Variants in KLHL13 observed in about 807,000 individuals in gnomAD.
KLHL13 encodes kelch like family member 13.
In KLHL13, 10 loss-of-function variants were observed where a neutral mutation model predicts 37.1. The observed-to-expected ratio is 0.27, with a 90% CI of 0.17 to 0.46. KLHL13 has a LOEUF of 0.46. Ranked by LOEUF, KLHL13 falls within the 20% of genes least tolerant of loss-of-function variation. The pLI is 1.00. For synonymous variants in KLHL13, 163 were observed against 181.2 expected, an observed-to-expected ratio of 0.90 and a Z score of 0.81; for missense variants, 360 against 509.3, an observed-to-expected ratio of 0.71 and a Z score of 2.82.
upstream of KLHL13, among the ~76,000 whole-genome samples, chrX:117,978,689 A>G (rs2053622527): frequency 9.0e-6 from 1 of 110,651 alleles, no homozygotes; most frequent in Admixed American, 9.7e-5. Context: ...TTACTCCTTC[A>G]CTAAGGCTGT....
exon 1 of KLHL13, chrX:117,973,212 C>T: frequency 1.1e-6 from 1 of 942,528 alleles, no homozygotes; most frequent in Non-Finnish European, 1.3e-6. Flanking sequence ...GATACTGCAG[C>T]ACTGTACTAT....
chrX:117,905,676 T>A (rs1930469079), intron 5 of KLHL13, among the ~76,000 whole-genome samples: 1 of 111,619 alleles, frequency 9.0e-6, no homozygotes, highest in Non-Finnish European at 1.9e-5. Context: ...TTTTAATTTT[T>A]GTGGGTACAT....
intron 1 of KLHL13, among the ~76,000 whole-genome samples, chrX:118,004,042 T>A (rs763454196): frequency 9.0e-6 from 1 of 110,616 alleles, no homozygotes; most frequent in Non-Finnish European, 1.9e-5. Flanking sequence ...GAAGTCAGAG[T>A]CGGGGAGGCA....
chrX:118,037,187 G>C (rs1417965595), intron 1 of KLHL13, among the ~76,000 whole-genome samples: 6 of 88,751 alleles, frequency 6.8e-5, no homozygotes, highest in South Asian at 6.4e-4. Flanking sequence ...TCAGTGTGGC[G>C]ATTCCTCAGG....
intron 1 of KLHL13, among the ~76,000 whole-genome samples, chrX:118,007,800 T>C (rs893739034): frequency 2.7e-5 from 3 of 111,692 alleles, no homozygotes; most frequent in African/African-American, 9.8e-5. Flanking sequence ...TAGAAGAGAA[T>C]CATAGTATGC....
At chrX:117,998,393 A>G (rs1363182906) in intron 1 of KLHL13, among the ~76,000 whole-genome samples, 3 of 111,715 alleles carry the variant, frequency 2.7e-5, no homozygotes, top group Admixed American at 1.9e-4. Context: ...AGAGTTGTAC[A>G]TAAGAAATTA....
chrX:117,975,177 T>TACACATACACACAC (rs1556327645), upstream of KLHL13, among the ~76,000 whole-genome samples: 3 of 103,276 alleles, frequency 2.9e-5, no homozygotes, highest in African/African-American at 1.1e-4. Flanking sequence ...GAGAAATACA[T>TACACATACACACAC]ACACACACAC....
chrX:118,110,738 G>A (rs1229506447), intron 1 of KLHL13, among the ~76,000 whole-genome samples: 2 of 111,275 alleles, frequency 1.8e-5, no homozygotes, highest in Non-Finnish European at 3.8e-5. Flanking sequence ...TTCAACAACT[G>A]CAAAAAAATA....
chrX:118,108,191 C>T (rs898881919), intron 1 of KLHL13, among the ~76,000 whole-genome samples: 7 of 112,225 alleles, frequency 6.2e-5, no homozygotes, highest in African/African-American at 2.3e-4. Context: ...ACTCTTATCT[C>T]CTTTTACTGA....
At chrX:118,107,700 C>T (rs2148186926) in intron 1 of KLHL13, among the ~76,000 whole-genome samples, 1 of 111,312 alleles carries the variant, frequency 9.0e-6, no homozygotes, top group Non-Finnish European at 1.9e-5. Flanking sequence ...GGATTTGAAC[C>T]CAAGCCTATG....
intron 5 of KLHL13, among the ~76,000 whole-genome samples, chrX:117,905,307 G>A (rs1272503908): frequency 8.9e-6 from 1 of 111,858 alleles, no homozygotes; most frequent in Non-Finnish European, 1.9e-5. Flanking sequence ...CTTCAATATA[G>A]GAAGCCTCAA....
chrX:118,085,194 C>T (rs779664606), intron 1 of KLHL13, among the ~76,000 whole-genome samples: 3 of 110,923 alleles, frequency 2.7e-5, no homozygotes, highest in South Asian at 3.8e-4. Flanking sequence ...TAGAATTATT[C>T]ATCCATAGAA....
At chrX:118,017,225 T>TA (rs2054136238) in intron 1 of KLHL13, among the ~76,000 whole-genome samples, 1 of 111,416 alleles carries the variant, frequency 9.0e-6, no homozygotes, top group African/African-American at 3.3e-5. Flanking sequence ...CTCCCTCTCC[T>TA]AACTCATCTC....
chrX:118,028,369 T>C, intron 1 of KLHL13, 55 bp downstream of exon 2: 2 of 711,684 alleles, frequency 2.8e-6, no homozygotes, highest in South Asian at 4.7e-5. Context: ...CCTGCTATGT[T>C]AGGTATATAA....
intron 1 of KLHL13, among the ~76,000 whole-genome samples, chrX:118,035,232 A>T (rs1466215313): frequency 1.5e-4 from 15 of 103,036 alleles, no homozygotes; most frequent in Non-Finnish European, 2.7e-4. Flanking sequence ...ATCCTCCCTA[A>T]CTCATTTTAT....
chrX:118,105,266 T>A (rs915541554), intron 1 of KLHL13, among the ~76,000 whole-genome samples: 2 of 112,653 alleles, frequency 1.8e-5, no homozygotes, highest in Non-Finnish European at 3.7e-5. Flanking sequence ...ATGCCTTTTT[T>A]AGATATCATG....
At chrX:117,919,299 C>A (rs1263151019) in intron 4 of KLHL13, among the ~76,000 whole-genome samples, 1 of 112,430 alleles carries the variant, frequency 8.9e-6, no homozygotes, top group Non-Finnish European at 1.9e-5. Context: ...GCTGGGATTA[C>A]AGGCGTGAGC....
intron 1 of KLHL13, among the ~76,000 whole-genome samples, chrX:117,950,545 TTAA>T (rs1933540655): frequency 8.9e-6 from 1 of 111,996 alleles, no homozygotes; most frequent in Admixed American, 9.5e-5. Flanking sequence ...GTTCCCCAGA[TTAA>T]TAATATTACC....
chrX:117,910,786 T>G (rs947270541), intron 4 of KLHL13, among the ~76,000 whole-genome samples: 1 of 111,365 alleles, frequency 9.0e-6, no homozygotes, highest in African/African-American at 3.3e-5. Flanking sequence ...TAAATGAGAT[T>G]TTGGTATCTG....
Sources: allele counts gnomAD v4.1 joint callset (sites outside exome capture counted in the v4.1 genomes callset), GRCh38; gene constraint gnomAD v4.1.1; transcripts MANE v1.5; gene names NCBI Gene and HGNC (gene_info 2026-07-23, HGNC 2026-07-21).